PSTPIP2: variants seen among roughly 807,000 people sequenced by gnomAD.
PSTPIP2 encodes the protein proline-serine-threonine phosphatase interacting protein 2, also known as proline-serine-threonine phosphatase-interacting protein 2.
PSTPIP2 carries 33 observed loss-of-function variants against 63.3 expected under a neutral mutation model. That is an observed-to-expected ratio of 0.52 (90% confidence interval 0.40 to 0.70). The LOEUF (loss-of-function observed/expected upper bound fraction) is 0.70, where lower values mean the gene tolerates loss of function less well. PSTPIP2 is among the 30% of genes least tolerant of loss of function. The pLI is 0.00. For synonymous variants in PSTPIP2, 125 were observed against 132.7 expected (o/e 0.94, Z 0.40); for missense variants, 312 against 400.7 (o/e 0.78, Z 1.89).
At chr18:45,996,009 T>C (rs1338068800) in intron 9 of PSTPIP2, among the ~76,000 whole-genome samples, 3 of 152,140 alleles carry the variant, frequency 2.0e-5, no homozygotes, top group Admixed American at 6.5e-5. Flanking sequence ...AGAGACTGGG[T>C]TTCACTATGT....
intron 1 of PSTPIP2, among the ~76,000 whole-genome samples, chr18:46,047,737 G>A (rs889038319): frequency 1.3e-5 from 2 of 152,108 alleles, no homozygotes; most frequent in Admixed American, 1.3e-4. Context: ...ATGAGTAAGT[G>A]TTCTTCAATA....
chr18:46,068,715 A>G (rs1909282415), intron 1 of PSTPIP2, among the ~76,000 whole-genome samples: 1 of 152,118 alleles, frequency 6.6e-6, no homozygotes, highest in Non-Finnish European at 1.5e-5. Flanking sequence ...TTGAAAAAGA[A>G]AAAAGAAAAG....
At chr18:46,054,359 T>C (rs910520448) in intron 1 of PSTPIP2, among the ~76,000 whole-genome samples, 13 of 152,072 alleles carry the variant, frequency 8.5e-5, no homozygotes, top group African/African-American at 3.1e-4. Context: ...GGAAGAGTGA[T>C]GGATGAAAAA....
rs185278353 is a variant in PSTPIP2, at chr18:46,048,249, A to G, written c.34-8202T>C. ...GTGGCTTGAAGATGGAGGAAGGGCCACAAGGCAGTGAGTACAGGCAATCTC... is the reference window on the plus strand; with the variant it reads ...GTGGCTTGAAGATGGAGGAAGGGCCGCAAGGCAGTGAGTACAGGCAATCTC... On this transcript the variant is annotated intron_variant, in intron 1 of 14. Transcript: ENST00000409746. Among the ~76,000 whole-genome samples the G allele has an allele frequency of 3.5e-4, 54 of 152,352 alleles. 1 individual carries two copies. The highest frequency in any genetic ancestry group is 2.9e-3 in the Admixed American group (44 of 15,306).
intron 4 of PSTPIP2, 84 bp downstream of exon 4, chr18:46,015,819 G>C (rs1262574253): frequency 4.8e-6 from 7 of 1,456,406 alleles, no homozygotes; most frequent in African/African-American, 2.9e-5. Flanking sequence ...TGAAACTGCT[G>C]TTCAAATTAA....
intron 5 of PSTPIP2, among the ~76,000 whole-genome samples, chr18:46,006,474 C>T (rs1430756049): frequency 1.4e-5 from 2 of 147,662 alleles, no homozygotes; most frequent in Non-Finnish European, 3.0e-5. Context: ...TGGTTTCAAG[C>T]GAGTCTCCTG....
intron 1 of PSTPIP2, among the ~76,000 whole-genome samples, chr18:46,049,834 C>T (rs1452224924): frequency 6.6e-6 from 1 of 152,084 alleles, no homozygotes; most frequent in African/African-American, 2.4e-5. Flanking sequence ...GAGCTGAGAT[C>T]ACGCCACGGC....
chr18:45,997,701 A>ACCCGCCC, intron 9 of PSTPIP2, 48 bp downstream of exon 9: 2 of 332,626 alleles, frequency 6.0e-6, no homozygotes, highest in Non-Finnish European at 5.7e-6. Flanking sequence ...TGTTACACAC[A>ACCCGCCC]CCCCCACCCA....
At chr18:46,014,174 C>T (rs1454453323) in intron 4 of PSTPIP2, among the ~76,000 whole-genome samples, 1 of 152,030 alleles carries the variant, frequency 6.6e-6, no homozygotes, top group East Asian at 1.9e-4. Context: ...AGGCACATGC[C>T]AACATGCCTG....
In PSTPIP2 at chr18:46,067,541, C is replaced by T. The variant is rs185314607; in HGVS notation, c.33+4615G>A. 4.4e-3 allele frequency among the ~76,000 whole-genome samples: 660 copies of T among 151,580 alleles called. 4 individuals carry two copies. Among genetic ancestry groups the T allele is most frequent in the Non-Finnish European group, 4.3e-3 (294 of 67,872 alleles). ...AAAAATGTTGGCCTAAAGCTGCCTC[C>T]ATAAATAGCAAGCCACAACCTAACT... On this transcript the variant is annotated intron_variant, in intron 1 of 14. Coordinates refer to ENST00000409746, the MANE Select transcript of PSTPIP2 (RefSeq NM_024430.4).
chr18:46,045,935 G>A (rs921537120), intron 1 of PSTPIP2, among the ~76,000 whole-genome samples: 6 of 152,250 alleles, frequency 3.9e-5, no homozygotes, highest in South Asian at 4.1e-4. Context: ...CAGAGCAAGC[G>A]CCTGCTTCAA....
At chr18:46,022,780 A>G (rs528479727) in intron 3 of PSTPIP2, among the ~76,000 whole-genome samples, 5 of 152,294 alleles carry the variant, frequency 3.3e-5, no homozygotes, top group African/African-American at 1.2e-4. Context: ...TAAATGAATG[A>G]CTGAAAAATT....
intron 6 of PSTPIP2, 28 bp downstream of exon 6, chr18:46,005,441 C>T (rs770129723): frequency 1.3e-6 from 2 of 1,540,480 alleles, no homozygotes; most frequent in Non-Finnish European, 1.8e-6. Context: ...CACCATTATC[C>T]CAAAAAAGAC....
At chr18:46,061,181 GT>G (rs2144132134) in intron 1 of PSTPIP2, among the ~76,000 whole-genome samples, 1 of 152,136 alleles carries the variant, frequency 6.6e-6, no homozygotes, top group South Asian at 2.1e-4. Flanking sequence ...GTGCGTGCCT[GT>G]AATCCCAGCT....
intron 2 of PSTPIP2, chr18:46,029,840 C>A: frequency 2.4e-6 from 1 of 409,526 alleles, no homozygotes. Context: ...GCCGGCTGGG[C>A]GCGGTGGCTC....
chr18:46,058,041 G>A (rs760442404), intron 1 of PSTPIP2, among the ~76,000 whole-genome samples: 1 of 149,958 alleles, frequency 6.7e-6, no homozygotes, highest in Non-Finnish European at 1.5e-5. Context: ...TTAAAAACCA[G>A]GTAAAATTTC....
At chr18:46,019,239 TTATATATA>T (rs1047790016) in intron 3 of PSTPIP2, among the ~76,000 whole-genome samples, 1 of 152,098 alleles carries the variant, frequency 6.6e-6, no homozygotes, top group African/African-American at 2.4e-5. Flanking sequence ...ATGCATCATT[TTATATATA>T]TATGTATATA....
At chr18:46,004,662 G>A (rs374080810) in intron 6 of PSTPIP2, among the ~76,000 whole-genome samples, 2 of 151,694 alleles carry the variant, frequency 1.3e-5, no homozygotes, top group East Asian at 1.9e-4. Context: ...TATTTTCTCG[G>A]GTTACCAGAA....
At chr18:46,009,856 AG>A (rs756406878) in intron 5 of PSTPIP2, among the ~76,000 whole-genome samples, 6 of 152,158 alleles carry the variant, frequency 3.9e-5, no homozygotes, top group Non-Finnish European at 8.8e-5. Flanking sequence ...GTCAGCCAAA[AG>A]GGTCTGACCA....
Sources: allele counts gnomAD v4.1 joint callset (sites outside exome capture counted in the v4.1 genomes callset), GRCh38; gene constraint gnomAD v4.1.1; transcripts MANE v1.5; gene names NCBI Gene and HGNC (gene_info 2026-07-23, HGNC 2026-07-21).